GRM3: variants seen among roughly 807,000 people sequenced by gnomAD.
GRM3 encodes the protein metabotropic glutamate receptor 3.
A neutral mutation model predicts 70.5 loss-of-function variants in GRM3; 26 were observed. That is an observed-to-expected ratio of 0.37 (90% confidence interval 0.27 to 0.51). GRM3 has a LOEUF of 0.51. Among genes scored for constraint, GRM3 ranks in the 20% least tolerant of loss-of-function variants. The pLI is 0.93. For synonymous variants in GRM3, 443 were observed against 434.9 expected (o/e 1.02, Z -0.23); for missense variants, 859 against 1,123.8 (o/e 0.76, Z 3.37).
chr7:86,796,537 G>T (rs1193672800), intron 3 of GRM3, among the ~76,000 whole-genome samples: 1 of 152,066 alleles, frequency 6.6e-6, no homozygotes, highest in South Asian at 2.1e-4. Context: ...GACTCTCTTG[G>T]CTATATGGGC....
chr7:86,687,747 G>A (rs1794600386), intron 1 of GRM3, among the ~76,000 whole-genome samples: 1 of 151,800 alleles, frequency 6.6e-6, no homozygotes, highest in South Asian at 2.1e-4. Flanking sequence ...AATATATAAT[G>A]TCTTACAGAA....
At chr7:86,860,040 T>C (rs1259619089) in intron 5 of GRM3, among the ~76,000 whole-genome samples, 1 of 152,162 alleles carries the variant, frequency 6.6e-6, no homozygotes, top group African/African-American at 2.4e-5. Flanking sequence ...GCACACCTTA[T>C]CCTAGAGTAT....
intron 3 of GRM3, among the ~76,000 whole-genome samples, chr7:86,811,885 T>A (rs534986696): frequency 2.1e-3 from 312 of 151,714 alleles, no homozygotes; most frequent in African/African-American, 7.1e-3. Context: ...ATGAGAAAGC[T>A]AGTGTGATAT....
intron 3 of GRM3, among the ~76,000 whole-genome samples, chr7:86,809,111 G>A (rs1797858483): frequency 6.6e-6 from 1 of 151,952 alleles, no homozygotes; most frequent in South Asian, 2.1e-4. Flanking sequence ...AAACACTGAG[G>A]ATTCCCCCGC....
At chr7:86,656,957 A>G (rs73704956) in intron 1 of GRM3, among the ~76,000 whole-genome samples, 2,127 of 152,270 alleles carry the variant, frequency 0.014, 51 homozygotes, top group African/African-American at 0.049. Flanking sequence ...AATAATGCAT[A>G]TAATAATGCA....
intron 1 of GRM3, among the ~76,000 whole-genome samples, chr7:86,682,813 T>G (rs1022486051): frequency 8.5e-5 from 13 of 152,128 alleles, no homozygotes; most frequent in African/African-American, 3.1e-4. Context: ...CAAGATTTCT[T>G]TTTTCAAAAT....
intron 1 of GRM3, among the ~76,000 whole-genome samples, chr7:86,684,029 T>C (rs1002300151): frequency 3.9e-5 from 6 of 152,108 alleles, no homozygotes; most frequent in African/African-American, 1.4e-4. Context: ...TTCTTTTTAC[T>C]ATTAGATTTA....
chr7:86,759,208 G>A (rs950477382), intron 1 of GRM3, among the ~76,000 whole-genome samples: 1 of 151,944 alleles, frequency 6.6e-6, no homozygotes, highest in Admixed American at 6.6e-5. Context: ...ACCCCTCTCA[G>A]ACCAATAACA....
At chr7:86,659,921 A>G (rs1260151885) in intron 1 of GRM3, among the ~76,000 whole-genome samples, 3 of 152,078 alleles carry the variant, frequency 2.0e-5, no homozygotes, top group Non-Finnish European at 4.4e-5. Flanking sequence ...AACAACAAAA[A>G]ATCACTTTTC....
intron 3 of GRM3, among the ~76,000 whole-genome samples, chr7:86,796,965 G>A (rs773003492): frequency 6.6e-6 from 1 of 152,192 alleles, no homozygotes; most frequent in Non-Finnish European, 1.5e-5. Context: ...CTTGCCTGCT[G>A]CCATGTAAGA....
At chr7:86,825,119 C>A (rs76190985) in intron 3 of GRM3, among the ~76,000 whole-genome samples, 1 of 152,142 alleles carries the variant, frequency 6.6e-6, no homozygotes, top group Admixed American at 6.5e-5. Flanking sequence ...CTGCCCTCCA[C>A]CTTCTAGTAT....
At chr7:86,853,989 T>C (rs1798801259) in intron 5 of GRM3, among the ~76,000 whole-genome samples, 1 of 152,096 alleles carries the variant, frequency 6.6e-6, no homozygotes, top group South Asian at 2.1e-4. Context: ...AAAAAGGAAG[T>C]AGAAACTGGC....
chr7:86,801,621 T>A (rs780403542), intron 3 of GRM3, among the ~76,000 whole-genome samples: 28 of 152,266 alleles, frequency 1.8e-4, no homozygotes, highest in Non-Finnish European at 4.0e-4. Flanking sequence ...GAGAAAAAAA[T>A]TCTTTCTGCC....
intron 2 of GRM3, among the ~76,000 whole-genome samples, chr7:86,780,088 G>A (rs1417676157): frequency 2.6e-5 from 4 of 152,188 alleles, no homozygotes; most frequent in African/African-American, 4.8e-5. Flanking sequence ...ATTCCGTGGT[G>A]TATATGTGTC....
At chr7:86,820,226 C>T (rs1047176713) in intron 3 of GRM3, among the ~76,000 whole-genome samples, 2 of 152,036 alleles carry the variant, frequency 1.3e-5, no homozygotes, top group African/African-American at 4.8e-5. Flanking sequence ...TATTCGAAAA[C>T]CAAATATCGA....
chr7:86,787,182 C>T, intron 3 of GRM3, 66 bp downstream of exon 3: 1 of 1,231,072 alleles, frequency 8.1e-7, no homozygotes. Context: ...GAATCAAATG[C>T]CTCTGTGCCC....
At chr7:86,692,048 TG>T (rs2116034788) in intron 1 of GRM3, among the ~76,000 whole-genome samples, 1 of 152,246 alleles carries the variant, frequency 6.6e-6, no homozygotes, top group Non-Finnish European at 1.5e-5. Flanking sequence ...AGTTAACATG[TG>T]ATTTCACAGA....
chr7:86,698,749 A>C (rs1202668792), intron 1 of GRM3, among the ~76,000 whole-genome samples: 1 of 152,010 alleles, frequency 6.6e-6, no homozygotes, highest in Non-Finnish European at 1.5e-5. Flanking sequence ...ACCCATGTGA[A>C]TCTGAAAAGC....
At chr7:86,713,896 A>G (rs1795255515) in intron 1 of GRM3, among the ~76,000 whole-genome samples, 1 of 151,950 alleles carries the variant, frequency 6.6e-6, no homozygotes, top group South Asian at 2.1e-4. Flanking sequence ...CTGGGTTCGG[A>G]GCTCTATGCT....
Sources: gnomAD v4.1 joint callset for allele counts (sites outside exome capture counted in the v4.1 genomes callset) on GRCh38, gnomAD v4.1.1 for gene constraint, MANE v1.5 for transcripts, NCBI Gene and HGNC (gene_info 2026-07-23, HGNC 2026-07-21) for gene names.